The following KCNQ1OT1 variants were observed in gnomAD, a reference collection of about 807,000 sequenced individuals.
KCNQ1OT1 encodes the protein KCNQ1 antisense RNA 2 (non-protein coding).
At chr11:2,640,203 C>T (rs1849551260) in exon 1 of KCNQ1OT1, 2 of 392,480 alleles carry the variant, frequency 5.1e-6, no homozygotes, top group Non-Finnish European at 4.5e-6. Flanking sequence ...CAGTGGGCTG[C>T]ACCCACTGTC....
chr11:2,667,034 G>C (rs556194717), exon 1 of KCNQ1OT1: 1 of 398,544 alleles, frequency 2.5e-6, no homozygotes, highest in Non-Finnish European at 4.4e-6. Context: ...GCCCCACATA[G>C]CCCCAGCCAG....
chr11:2,637,749 C>A (rs535173778), exon 1 of KCNQ1OT1: 1 of 152,148 alleles, frequency 6.6e-6, no homozygotes, highest in Non-Finnish European at 1.5e-5. Context: ...TGTTAACTTC[C>A]GGTCTTGTTG....
At chr11:2,641,367 A>G (rs1234707301) in exon 1 of KCNQ1OT1, 1 of 397,596 alleles carries the variant, frequency 2.5e-6, no homozygotes, top group African/African-American at 2.1e-5. Flanking sequence ...TTTGGCTTGC[A>G]TTTCCCTTAT....
chr11:2,669,346 A>G lies in KCNQ1OT1; in HGVS notation n.30649T>C. 1 of 398,604 alleles carries G rather than the reference A, an allele frequency of 2.5e-6. No individual in the cohort carries two copies. Among genetic ancestry groups the G allele is most frequent in the African/African-American group, 2.1e-5 (1 of 48,728 alleles). 24.7% of individuals were successfully genotyped at this position (398,604 alleles called of 1,614,324 possible). A position where few individuals can be genotyped will look rare whatever the true frequency, so the allele number is the denominator to read the frequency against. ...CTCCTCTAGGCGCAGCAGCCTCTAG[A>G]TGGGCATGGGAGAATGGGTATCCTT... On this transcript the variant is annotated non_coding_transcript_exon_variant, in exon 1 of 1. Coordinates refer to ENST00000597346, the Ensembl canonical transcript of KCNQ1OT1. This position sits in a 1 kb window ranked among gnomAD's most constrained non-coding sequence, Gnocchi z 5.6.
chr11:2,638,894 T>C (rs151246266), exon 1 of KCNQ1OT1: 1,563 of 152,360 alleles, frequency 0.01, 48 homozygotes, highest in East Asian at 0.081. Context: ...CCCATATTTC[T>C]TGGAGGCTTT....
chr11:2,612,418 C>CTCTTCATTTT lies in KCNQ1OT1; in HGVS notation n.87567_87576dup, dbSNP rs1481080890. ...CTATATTATGGTATCCAATGGGTATCTCTTCATTTTTCTTCATTATTTTTC... is the reference window on the plus strand; with the variant it reads ...CTATATTATGGTATCCAATGGGTATCTCTTCATTTTTCTTCATTTTTCTTCATTATTTTTC... On this transcript the variant is annotated non_coding_transcript_exon_variant, in exon 1 of 1. Coordinates refer to ENST00000597346, the Ensembl canonical transcript of KCNQ1OT1. This position sits in a 1 kb window ranked among gnomAD's most constrained non-coding sequence, Gnocchi z 5.5. The CTCTTCATTTT allele has an allele frequency of 2.5e-6, 1 of 398,438 alleles. No homozygotes were observed. The highest frequency in any genetic ancestry group is 4.4e-6 in the Non-Finnish European group (1 of 226,066). 24.7% of individuals were successfully genotyped at this position (398,438 alleles called of 1,614,324 possible).
In KCNQ1OT1 at chr11:2,674,119, G is replaced by A; in HGVS notation, n.25876C>T. The A allele has an allele frequency of 5.0e-6, 2 of 398,692 alleles. No individual in the cohort carries two copies. The highest frequency in any genetic ancestry group is 4.4e-6 in the Non-Finnish European group (1 of 226,156). 24.7% of individuals were successfully genotyped at this position (398,692 alleles called of 1,614,324 possible). A position where few individuals can be genotyped will look rare whatever the true frequency, so the allele number is the denominator to read the frequency against. ...GGTGGGGAGGGAGGTGTGGAAGCTG[G>A]TTTGCCGGGGCCACCCAGTGTGGGC... On this transcript the variant is annotated non_coding_transcript_exon_variant, in exon 1 of 1. Coordinates refer to ENST00000597346, the Ensembl canonical transcript of KCNQ1OT1. The surrounding 1 kb of genome is among the most constrained non-coding windows in gnomAD (Gnocchi z 5.9).
In KCNQ1OT1 at chr11:2,671,483, A is replaced by G; in HGVS notation, n.28512T>C. 2.5e-6 allele frequency: 1 copy of G among 398,644 alleles called. No individual in the cohort carries two copies. Among genetic ancestry groups the G allele is most frequent in the East Asian group, 3.6e-5 (1 of 28,066 alleles). The allele number at this position is 398,644 out of a possible 1,614,324, so 24.7% of individuals were successfully genotyped here. A position where few individuals can be genotyped will look rare whatever the true frequency, so the allele number is the denominator to read the frequency against. ...AGCAGGGGATATACACAAAGATCTG[A>G]GAAAGGGATTATTTTTAGGGCCAAT... On this transcript the variant is annotated non_coding_transcript_exon_variant, in exon 1 of 1. Coordinates refer to ENST00000597346, the Ensembl canonical transcript of KCNQ1OT1. This position sits in a 1 kb window ranked among gnomAD's most constrained non-coding sequence, Gnocchi z 4.7.
chr11:2,635,085 T>C (rs1034831093), exon 1 of KCNQ1OT1: 7 of 152,352 alleles, frequency 4.6e-5, no homozygotes, highest in African/African-American at 1.7e-4. Context: ...ATATTAGCCT[T>C]TTATCAGATG....
exon 1 of KCNQ1OT1, chr11:2,630,295 T>C: frequency 2.5e-6 from 1 of 398,358 alleles, no homozygotes; most frequent in East Asian, 3.6e-5. Flanking sequence ...TTTAATGTGC[T>C]GTTAAATTCA....
At chr11:2,622,404 T>TTTTCATTC in exon 1 of KCNQ1OT1, 3 of 398,374 alleles carry the variant, frequency 7.5e-6, no homozygotes, top group Non-Finnish European at 1.3e-5. Context: ...GAAATATCAT[T>TTTTCATTC]TTTCATTCTT....
In KCNQ1OT1 at chr11:2,647,641, C is replaced by G. The variant is rs1443549764; in HGVS notation, n.52354G>C. ...CCGTGCAATCCTGAGGTTTTCTTTA[C>G]TGGGAGACTTTATTACTGATACAAT... On this transcript the variant is annotated non_coding_transcript_exon_variant, in exon 1 of 1. Transcript: ENST00000597346. This position sits in a 1 kb window ranked among gnomAD's most constrained non-coding sequence, Gnocchi z 4.0. The G allele has an allele frequency of 5.0e-6, 2 of 398,392 alleles. No individual in the cohort carries two copies. The highest frequency in any genetic ancestry group is 8.8e-6 in the Non-Finnish European group (2 of 226,036). The allele number at this position is 398,392 out of a possible 1,614,324, so 24.7% of individuals were successfully genotyped here. A position where few individuals can be genotyped will look rare whatever the true frequency, so the allele number is the denominator to read the frequency against.
Position 2,673,407 on chromosome 11 carries a change from G to T in KCNQ1OT1, n.26588C>A. On this transcript the variant is annotated non_coding_transcript_exon_variant, in exon 1 of 1. Coordinates refer to ENST00000597346, the Ensembl canonical transcript of KCNQ1OT1. The surrounding 1 kb of genome is among the most constrained non-coding windows in gnomAD (Gnocchi z 4.5). ...TTGGCCTTTGTTTAGCCCACCTTCT[G>T]CCTAGGCACCAGGCCTGGAGGTTCC... The T allele has an allele frequency of 2.5e-6, 1 of 398,692 alleles. No individual in the cohort carries two copies. Among genetic ancestry groups the T allele is most frequent in the East Asian group, 3.6e-5 (1 of 28,082 alleles). 24.7% of individuals were successfully genotyped at this position (398,692 alleles called of 1,614,324 possible).
Position 2,612,637 on chromosome 11 carries a change from G to C in KCNQ1OT1, n.87358C>G. 2.5e-6 allele frequency: 1 copy of C among 398,434 alleles called. No homozygotes were observed. The highest frequency in any genetic ancestry group is 4.4e-6 in the Non-Finnish European group (1 of 226,028). 24.7% of individuals were successfully genotyped at this position (398,434 alleles called of 1,614,324 possible). On this transcript the variant is annotated non_coding_transcript_exon_variant, in exon 1 of 1. Coordinates refer to ENST00000597346, the Ensembl canonical transcript of KCNQ1OT1. The surrounding 1 kb of genome is among the most constrained non-coding windows in gnomAD (Gnocchi z 5.5). ...GATATTATCTATTTGATGAGTCTTT[G>C]TCATCACACTTGCATTCTTTAATGT...
chr11:2,613,543 C>T lies in KCNQ1OT1; in HGVS notation n.86452G>A, dbSNP rs902716240. 3 of 398,470 alleles carry T rather than the reference C, an allele frequency of 7.5e-6. No individual in the cohort carries two copies. The highest frequency in any genetic ancestry group is 1.3e-5 in the Non-Finnish European group (3 of 226,024). The allele number at this position is 398,470 out of a possible 1,614,324, so 24.7% of individuals were successfully genotyped here. A position where few individuals can be genotyped will look rare whatever the true frequency, so the allele number is the denominator to read the frequency against. On this transcript the variant is annotated non_coding_transcript_exon_variant, in exon 1 of 1. Transcript: ENST00000597346. The surrounding 1 kb of genome is among the most constrained non-coding windows in gnomAD (Gnocchi z 4.8). ...TGGCAGCCCCACGTTAAATCATAAC[C>T]CTGCTATTCTTAGGAAGGCTTAATA...
rs139000556 is a variant in KCNQ1OT1 at position 2,653,033 on chromosome 11, A to T, written n.46962T>A. On this transcript the variant is annotated non_coding_transcript_exon_variant, in exon 1 of 1. Coordinates refer to ENST00000597346, the Ensembl canonical transcript of KCNQ1OT1. The surrounding 1 kb of genome is among the most constrained non-coding windows in gnomAD (Gnocchi z 5.3). ...ATCTATTCTGCACACCTTTGATCCA[A>T]TGTGAGATCCAACATGTTCCATAAT... 2.8e-3 allele frequency: 1,098 copies of T among 398,650 alleles called. 9 individuals carry two copies. The highest frequency in any genetic ancestry group is 0.02 in the African/African-American group (986 of 48,746). 24.7% of individuals were successfully genotyped at this position (398,650 alleles called of 1,614,324 possible). A position where few individuals can be genotyped will look rare whatever the true frequency, so the allele number is the denominator to read the frequency against.
chr11:2,674,224 G>C lies in KCNQ1OT1; in HGVS notation n.25771C>G. 2.5e-6 allele frequency: 1 copy of C among 398,744 alleles called. No individual in the cohort carries two copies. Among genetic ancestry groups the C allele is most frequent in the Admixed American group, 4.4e-5 (1 of 22,742 alleles). The allele number at this position is 398,744 out of a possible 1,614,324, so 24.7% of individuals were successfully genotyped here. ...AGTTGTGGGTTTTTCTTGGGGCCCA[G>C]ATAGATGTGAGCAGAGCTGGAGGCC... On this transcript the variant is annotated non_coding_transcript_exon_variant, in exon 1 of 1. Transcript: ENST00000597346. The surrounding 1 kb of genome is among the most constrained non-coding windows in gnomAD (Gnocchi z 5.9).
chr11:2,689,989 C>T (rs1850562216), exon 1 of KCNQ1OT1: 1 of 398,704 alleles, frequency 2.5e-6, no homozygotes, highest in Admixed American at 4.4e-5. Context: ...AGACCTTTGC[C>T]CAAGCAGAGA....
chr11:2,624,754 C>T lies in KCNQ1OT1; in HGVS notation n.75241G>A, dbSNP rs778085079. 1.3e-4 allele frequency: 53 copies of T among 398,516 alleles called. No homozygotes were observed. The highest frequency in any genetic ancestry group is 2.0e-4 in the Non-Finnish European group (45 of 226,044). The allele number at this position is 398,516 out of a possible 1,614,324, so 24.7% of individuals were successfully genotyped here. ...AATAATTCCCCAACCCCCCCACCAC[C>T]GCCATCTCTTGGAAACCACCTTGTA... On this transcript the variant is annotated non_coding_transcript_exon_variant, in exon 1 of 1. Transcript: ENST00000597346. This position sits in a 1 kb window ranked among gnomAD's most constrained non-coding sequence, Gnocchi z 4.9.
Sources: gnomAD v4.1 joint callset for allele counts on GRCh38, gnomAD v4.1.1 for gene constraint, Gnocchi (gnomAD v3.1) non-coding constraint, MANE v1.5 for transcripts, NCBI Gene and HGNC (gene_info 2026-07-23, HGNC 2026-07-21) for gene names.